The following SMAD3 variants were observed in gnomAD, a reference collection of about 807,000 sequenced individuals.
The protein encoded by SMAD3 is SMAD family member 3, also known as MAD homolog 3.
Under a neutral mutation model 51.8 loss-of-function variants are expected in SMAD3, and 12 were observed. The ratio of observed to expected loss-of-function variants is 0.23; its 90% CI spans 0.15 to 0.38. SMAD3 has a LOEUF of 0.38. SMAD3 is among the 10% of genes least tolerant of loss of function. The pLI is 1.00. For synonymous variants in SMAD3, 238 were observed against 227.7 expected (o/e 1.05, Z -0.41); for missense variants, 294 against 565.6 (o/e 0.52, Z 4.87).
intron 6 of SMAD3, among the ~76,000 whole-genome samples, chr15:67,184,332 C>T (rs1311507659): frequency 6.6e-6 from 1 of 152,166 alleles, no homozygotes; most frequent in Admixed American, 6.5e-5. Flanking sequence ...GCCTTGAACT[C>T]CTGGCCTCAA....
intron 1 of SMAD3, among the ~76,000 whole-genome samples, chr15:67,163,023 G>A (rs1239215053): frequency 6.6e-6 from 1 of 151,954 alleles, no homozygotes; most frequent in East Asian, 1.9e-4. Context: ...GCCCAGGCTG[G>A]AGTGCAGTGG....
chr15:67,102,534 G>A (rs1000969601), intron 1 of SMAD3, among the ~76,000 whole-genome samples: 1 of 152,156 alleles, frequency 6.6e-6, no homozygotes, highest in Admixed American at 6.5e-5. Context: ...GTCCTCATCT[G>A]TGGGAATTGT....
intron 1 of SMAD3, among the ~76,000 whole-genome samples, chr15:67,133,082 C>T (rs889102247): frequency 2.0e-5 from 3 of 152,190 alleles, no homozygotes; most frequent in African/African-American, 7.2e-5. Context: ...GTGGCCCGTC[C>T]TGTATTACGC....
intron 1 of SMAD3, among the ~76,000 whole-genome samples, chr15:67,072,682 G>T (rs966773483): frequency 2.0e-5 from 3 of 152,176 alleles, no homozygotes; most frequent in Non-Finnish European, 4.4e-5. Flanking sequence ...ATGTGCAGAC[G>T]TGAATGGCTG....
In SMAD3 at chr15:67,187,507, C is replaced by T. The variant is rs768097258; in HGVS notation, c.1152C>T (p.Tyr384=). 1.2e-6 allele frequency: 2 copies of T among 1,614,178 alleles called. No homozygotes were observed. Among genetic ancestry groups the T allele is most frequent in the South Asian group, 1.1e-5 (1 of 91,084 alleles). The change falls in exon 8 of 9, where the codon TAC becomes TAT. Residue 384 remains tyrosine, a splice_region_variant and synonymous_variant. Transcript: ENST00000327367. ...MSFVKGWGAE[Y]RRQTVTSTPC... is the part of the protein sequence containing the mutation. ...TCGTCAAAGGCTGGGGAGCGGAGTA[C>T]AGGTCAGTTATGGGTGCTGCCTACA...
At chr15:67,152,339 G>A (rs1030976514) in intron 1 of SMAD3, among the ~76,000 whole-genome samples, 6 of 131,548 alleles carry the variant, frequency 4.6e-5, no homozygotes, top group African/African-American at 1.8e-4. Context: ...AAATTAATTT[G>A]ATTCCCCAAA....
In SMAD3 at chr15:67,140,134, GAGAA is replaced by G. The variant is rs1244405095; in HGVS notation, c.207-24755_207-24752del. 4.8e-5 allele frequency among the ~76,000 whole-genome samples: 7 copies of G among 144,974 alleles called. No homozygotes were observed. The East Asian group carries it at 1.4e-3, about 30-fold the overall frequency. Reference sequence around the variant, plus strand: ...TGAAACTCTGTCTCAAAAAAAAAAAGAGAAAGAAAAGTGAATGTGTTTGCTGGAA... The same window carrying G: ...TGAAACTCTGTCTCAAAAAAAAAAAGAGAAAAGTGAATGTGTTTGCTGGAA... On this transcript the variant is annotated intron_variant, in intron 1 of 8. Transcript: ENST00000327367.
At chr15:67,077,157 T>A (rs1460589337) in intron 1 of SMAD3, among the ~76,000 whole-genome samples, 8 of 151,542 alleles carry the variant, frequency 5.3e-5, no homozygotes, top group Non-Finnish European at 8.9e-5. Flanking sequence ...TTGATTTGTC[T>A]TTAAATACTA....
At chr15:67,077,071 A>G (rs1960185556) in intron 1 of SMAD3, among the ~76,000 whole-genome samples, 1 of 152,198 alleles carries the variant, frequency 6.6e-6, no homozygotes, top group Non-Finnish European at 1.5e-5. Flanking sequence ...AGGGAATCCT[A>G]AACTCAAACC....
intron 1 of SMAD3, among the ~76,000 whole-genome samples, chr15:67,110,525 GTGT>G (rs909303613): frequency 2.6e-5 from 4 of 152,192 alleles, no homozygotes; most frequent in African/African-American, 7.2e-5. Flanking sequence ...TGACTTCATA[GTGT>G]TGTTGTGAGG....
chr15:67,147,537 G>C (rs923134531), intron 1 of SMAD3, among the ~76,000 whole-genome samples: 1 of 152,100 alleles, frequency 6.6e-6, no homozygotes, highest in African/African-American at 2.4e-5. Flanking sequence ...CACGTGTTCA[G>C]GGGGAAAAGA....
At chr15:67,100,807 A>G (rs991739927) in intron 1 of SMAD3, among the ~76,000 whole-genome samples, 2 of 152,198 alleles carry the variant, frequency 1.3e-5, no homozygotes, top group African/African-American at 4.8e-5. Flanking sequence ...CTTTATGAGG[A>G]ACCAGAGACC....
At chr15:67,095,981 T>TG in intron 1 of SMAD3, among the ~76,000 whole-genome samples, 1 of 152,312 alleles carries the variant, frequency 6.6e-6, no homozygotes, top group African/African-American at 2.4e-5. Flanking sequence ...ACCTACAATG[T>TG]GGGGGAGTTG....
At chr15:67,071,574 G>T (rs1767338539) in intron 1 of SMAD3, among the ~76,000 whole-genome samples, 1 of 152,158 alleles carries the variant, frequency 6.6e-6, no homozygotes, top group African/African-American at 2.4e-5. Flanking sequence ...CACTTTGGGA[G>T]GCCGAGGCAG....
intron 3 of SMAD3, among the ~76,000 whole-genome samples, chr15:67,165,807 A>G (rs1962571099): frequency 6.6e-6 from 1 of 152,222 alleles, no homozygotes; most frequent in Non-Finnish European, 1.5e-5. Context: ...CCTGGGCATC[A>G]GGCCTCGGTG....
Position 67,113,631 on chromosome 15 carries a change from A to G in SMAD3, c.206+47271A>G, listed in dbSNP as rs145362826. ...TTTGGCCTTGAGCTTTCTAGCAGCC[A>G]AGGGTAAAATGGAAATGTGACTAAT... is the stretch of plus-strand genomic sequence containing the variant. On this transcript the variant is annotated intron_variant, in intron 1 of 8. Transcript: ENST00000327367. Among the ~76,000 whole-genome samples, 303 of 152,340 alleles carry G rather than the reference A, an allele frequency of 2.0e-3. 1 individual carries two copies. Among genetic ancestry groups the G allele is most frequent in the Non-Finnish European group, 3.1e-3 (208 of 68,026 alleles).
At chr15:67,102,534 G>C (rs1000969601) in intron 1 of SMAD3, among the ~76,000 whole-genome samples, 4 of 152,156 alleles carry the variant, frequency 2.6e-5, no homozygotes, top group Admixed American at 6.5e-5. Context: ...GTCCTCATCT[G>C]TGGGAATTGT....
chr15:67,107,089 C>T (rs1434995588), intron 1 of SMAD3, among the ~76,000 whole-genome samples: 1 of 151,996 alleles, frequency 6.6e-6, no homozygotes, highest in Non-Finnish European at 1.5e-5. Flanking sequence ...ACCCTCTCTC[C>T]CACCCAGGGC....
intron 1 of SMAD3, 149 bp downstream of exon 1, chr15:67,066,509 G>A (rs1959922346): frequency 2.9e-6 from 2 of 692,320 alleles, no homozygotes; most frequent in Non-Finnish European, 4.9e-6. Flanking sequence ...GTGGGAGAGC[G>A]CGGGCAGGAA....
Sources: gnomAD v4.1 joint callset for allele counts (sites outside exome capture counted in the v4.1 genomes callset) on GRCh38, gnomAD v4.1.1 for gene constraint, MANE v1.5 for transcripts, NCBI Gene and HGNC (gene_info 2026-07-23, HGNC 2026-07-21) for gene names.